Variants in KMT2E observed in about 807,000 individuals in gnomAD.
KMT2E encodes lysine methyltransferase 2E (inactive).
Under a neutral mutation model 184.6 loss-of-function variants are expected in KMT2E, and 30 were observed. That is an observed-to-expected ratio of 0.16 (90% CI 0.12 to 0.22). The LOEUF (loss-of-function observed/expected upper bound fraction) is 0.22, where lower values mean the gene tolerates loss of function less well. Among genes scored for constraint, KMT2E ranks in the 10% least tolerant of loss-of-function variants. The pLI, the probability that KMT2E is intolerant of heterozygous loss-of-function variation, is 1.00. For missense variants in KMT2E, 2,023 were observed against 2,237.4 expected, an observed-to-expected ratio of 0.90 and a Z score of 1.93; for synonymous variants, 815 against 776.5, an observed-to-expected ratio of 1.05 and a Z score of -0.82.
At position 105,105,354 on chromosome 7, in the gene KMT2E, C is replaced by T. The variant is rs557944209; in HGVS notation, c.2197-85C>T. 3.1e-6 allele frequency: 3 copies of T among 975,018 alleles called. No individual in the cohort carries two copies. The African/African-American group carries it at 5.0e-5, about 16-fold the overall frequency. 60.4% of individuals were successfully genotyped at this position (975,018 alleles called of 1,614,324 possible). ...ACCCAATTTATCATTTTAGATAATACACCAATTTCAAATCTGGTATTAGAA... is the reference window on the plus strand; with the variant it reads ...ACCCAATTTATCATTTTAGATAATATACCAATTTCAAATCTGGTATTAGAA... On this transcript the variant is annotated intron_variant, in intron 17 of 26. Coordinates refer to ENST00000311117, the MANE Select transcript of KMT2E (RefSeq NM_182931.3).
chr7:105,037,345 G>A (rs1238130245), intron 1 of KMT2E, among the ~76,000 whole-genome samples: 3 of 151,682 alleles, frequency 2.0e-5, no homozygotes, highest in Non-Finnish European at 2.9e-5. Flanking sequence ...TCTTTAAAGT[G>A]TTACTTTTTG....
chr7:105,091,770 A>G (rs1039403172), intron 15 of KMT2E, among the ~76,000 whole-genome samples: 5 of 151,700 alleles, frequency 3.3e-5, no homozygotes, highest in African/African-American at 7.3e-5. Context: ...TCACACTGCT[A>G]TCGTACAATA....
At chr7:105,034,105 C>T (rs926139483) in intron 1 of KMT2E, among the ~76,000 whole-genome samples, 3 of 152,212 alleles carry the variant, frequency 2.0e-5, no homozygotes, top group African/African-American at 7.2e-5. Context: ...CGTAACCTTG[C>T]TTCACTAGAA....
intron 13 of KMT2E, among the ~76,000 whole-genome samples, chr7:105,085,076 G>A (rs564873870): frequency 4.0e-5 from 6 of 150,186 alleles, no homozygotes; most frequent in South Asian, 2.1e-4. Context: ...TATATAGTTC[G>A]TCTGTTTTTT....
chr7:105,041,747 A>C (rs1024814294), intron 3 of KMT2E, among the ~76,000 whole-genome samples: 1 of 152,198 alleles, frequency 6.6e-6, no homozygotes, highest in Admixed American at 6.5e-5. Context: ...AGATTCTAAA[A>C]TATTTTGTAT....
At chr7:105,053,061 A>C (rs1250237129) in intron 3 of KMT2E, among the ~76,000 whole-genome samples, 1 of 152,208 alleles carries the variant, frequency 6.6e-6, no homozygotes, top group Admixed American at 6.5e-5. Context: ...GGTGCTGTAT[A>C]ATTGAATGAA....
chr7:105,077,617 T>A, intron 11 of KMT2E, 184 bp downstream of exon 11: 1 of 546,258 alleles, frequency 1.8e-6, no homozygotes, highest in African/African-American at 1.9e-5. Context: ...TAAAACAACA[T>A]AAAAAAATGC....
chr7:105,030,365 G>A (rs755737759), intron 1 of KMT2E, among the ~76,000 whole-genome samples: 2 of 152,196 alleles, frequency 1.3e-5, no homozygotes, highest in Non-Finnish European at 2.9e-5. Flanking sequence ...TATTGGGTGG[G>A]AAAGAAAAGG....
At chr7:105,110,890 T>C (rs1284010431) in intron 26 of KMT2E, 22 bp downstream of exon 26, 7 of 1,550,276 alleles carry the variant, frequency 4.5e-6, no homozygotes, top group South Asian at 2.2e-5. Context: ...GACCTTTCGA[T>C]GGGTTCCAAA....
At chr7:105,101,398 A>G (rs773365128) in intron 15 of KMT2E, 27 bp from the exon 16 acceptor site, 1 of 1,459,804 alleles carries the variant, frequency 6.9e-7, no homozygotes, top group African/African-American at 1.4e-5. Flanking sequence ...GATATTTATG[A>G]TGTCACTTAA....
Position 105,105,713 on chromosome 7 carries a change from T to C in KMT2E, c.2451+20T>C, listed in dbSNP as rs367572229. 3.0e-5 allele frequency: 48 copies of C among 1,588,742 alleles called. 1 individual carries two copies. In the Middle Eastern group the frequency reaches 4.3e-3, roughly 141 times the overall value. On this transcript the variant is annotated intron_variant, in intron 18 of 26. Transcript: ENST00000311117. The stretch of plus-strand genomic sequence containing the variant: ...AAGAAGGTAAACTTTTCTTTGGAAG[T>C]AAAAATGTAGAATGAGCCAAATGCC...
rs1223771619 is a variant in KMT2E at position 105,114,419 on chromosome 7, TG to T, written c.*1089del. ...TTGCCCAAAACAGGAAAATTTGTCT[TG>T]GGTGTAAAAACTAAAGAAAAAAGGC... On this transcript the variant is annotated 3_prime_UTR_variant, in exon 27 of 27. Coordinates refer to ENST00000311117, the MANE Select transcript of KMT2E (RefSeq NM_182931.3). The T allele has an allele frequency of 6.6e-6, 1 of 152,120 alleles. No individual in the cohort carries two copies. Among genetic ancestry groups the T allele is most frequent in the East Asian group, 1.9e-4 (1 of 5,202 alleles). 9.4% of individuals were successfully genotyped at this position (152,120 alleles called of 1,614,324 possible).
intron 3 of KMT2E, among the ~76,000 whole-genome samples, chr7:105,044,439 AGTTT>A (rs1336142617): frequency 5.3e-5 from 8 of 152,166 alleles, no homozygotes; most frequent in Admixed American, 2.6e-4. Context: ...ATTAAGAGTT[AGTTT>A]ATTTTACAGA....
chr7:105,105,266 T>C (rs985180182), intron 17 of KMT2E, 173 bp from the exon 18 acceptor site: 47 of 456,664 alleles, frequency 1.0e-4, no homozygotes, highest in Non-Finnish European at 1.6e-4. Flanking sequence ...AGAATAACAG[T>C]AGATAACTAA....
Position 105,113,019 on chromosome 7 carries a change from C to T in KMT2E, c.5263C>T (p.His1755Tyr). The T allele has an allele frequency of 1.2e-6, 2 of 1,614,098 alleles. No individual in the cohort carries two copies. The highest frequency in any genetic ancestry group is 1.3e-5 in the African/African-American group (1 of 74,996). The change falls in exon 27 of 27, where the codon CAT becomes TAT. Residue 1755 changes from histidine to tyrosine, a missense_variant. Around this residue, in one of 8 missense-constraint regions of KMT2E, gnomAD observed 1,108 missense variants for 1,050.9 expected, o/e 1.05. Coordinates refer to ENST00000311117, the MANE Select transcript of KMT2E (RefSeq NM_182931.3). ...QGPPLFPSSA[H>Y]PTVPPYPSQA... is the part of the protein sequence containing the mutation. ...ACCTCCACTTTTTCCTTCGAGTGCT[C>T]ATCCAACTGTACCACCGTATCCCTC...
In KMT2E at chr7:105,112,460, T is replaced by G; in HGVS notation, c.4704T>G (p.Asn1568Lys). 6.2e-7 allele frequency: 1 copy of G among 1,613,586 alleles called. No homozygotes were observed. The highest frequency in any genetic ancestry group is 8.5e-7 in the Non-Finnish European group (1 of 1,179,900). ...AGCAGCCCTCTGCAAACTTTCAGAA[T>G]TATAATCAGCTCAAAGGTAGTCTTT... ...QNQQPSANFQ[N>K]YNQLKGSLSQ... Residue 1568 changes from asparagine to lysine, a missense_variant, in exon 27 of 27, where the codon AAT becomes AAG. Physicochemically the swap from Asn to Lys is moderately conservative, Grantham distance 94. This residue lies in a region of KMT2E where 1,108 missense variants were observed against 1,050.9 expected (regional missense o/e 1.05). Coordinates refer to ENST00000311117, the MANE Select transcript of KMT2E (RefSeq NM_182931.3).
intron 15 of KMT2E, among the ~76,000 whole-genome samples, chr7:105,095,188 G>A (rs1480371178): frequency 1.3e-5 from 2 of 152,086 alleles, no homozygotes; most frequent in Non-Finnish European, 2.9e-5. Flanking sequence ...ATAAGTGAAG[G>A]AAATATAAAT....
chr7:105,032,446 GA>G (rs1162141544), intron 1 of KMT2E, among the ~76,000 whole-genome samples: 4 of 150,216 alleles, frequency 2.7e-5, no homozygotes, highest in Non-Finnish European at 4.4e-5. Context: ...TCCGTCTCAA[GA>G]AAAAAAAAGC....
rs759512638 is a variant in KMT2E at position 105,107,684 on chromosome 7, T to G, written c.3227T>G (p.Val1076Gly). The G allele has an allele frequency of 6.2e-7, 1 of 1,614,062 alleles. No homozygotes were observed. Among genetic ancestry groups the G allele is most frequent in the Non-Finnish European group, 8.5e-7 (1 of 1,180,002 alleles). Residue 1076 changes from valine to glycine, a missense_variant, in exon 22 of 27, where the codon GTT becomes GGT. Physicochemically the swap from Val to Gly is moderately radical, Grantham distance 109 (BLOSUM62 -3). Around this residue, in one of 8 missense-constraint regions of KMT2E, gnomAD observed 1,108 missense variants for 1,050.9 expected, o/e 1.05. Coordinates refer to ENST00000311117, the MANE Select transcript of KMT2E (RefSeq NM_182931.3). ...GTAAAGAGCCCTGACAGAACAGGAGTTAACTTCTCAGTGAACTCCAACTTG... is the reference window on the plus strand; with the variant it reads ...GTAAAGAGCCCTGACAGAACAGGAGGTAACTTCTCAGTGAACTCCAACTTG... ...SWVKSPDRTG[V>G]NFSVNSNLRD...
Sources: gnomAD v4.1 joint callset for allele counts (sites outside exome capture counted in the v4.1 genomes callset) on GRCh38, gnomAD v4.1.1 for gene constraint, gnomAD v4.1.1 regional missense constraint, MANE v1.5 for transcripts, NCBI Gene and HGNC (gene_info 2026-07-23, HGNC 2026-07-21) for gene names.